Variants in HPS3 observed in about 807,000 individuals in gnomAD.
HPS3 encodes BLOC-2 complex member HPS3.
Under a neutral mutation model 110.9 loss-of-function variants are expected in HPS3, and 79 were observed. The observed-to-expected ratio is 0.71, with a 90% CI of 0.59 to 0.86. The LOEUF (loss-of-function observed/expected upper bound fraction) is 0.86, where lower values mean the gene tolerates loss of function less well. Among genes scored for constraint, HPS3 ranks in the 40% least tolerant of loss-of-function variants. HPS3 has a pLI of 0.00. For missense variants in HPS3, 1,197 were observed against 1,206.2 expected (o/e 0.99, Z 0.11); for synonymous variants, 428 against 451.0 (o/e 0.95, Z 0.65).
chr3:149,164,696 C>T (rs1004508380), intron 14 of HPS3, among the ~76,000 whole-genome samples: 3 of 152,138 alleles, frequency 2.0e-5, no homozygotes, highest in Non-Finnish European at 2.9e-5. Flanking sequence ...TTAGCAGCTC[C>T]GTTAACCCAA....
intron 11 of HPS3, 41 bp downstream of exon 11, chr3:149,160,320 G>A: frequency 7.6e-7 from 1 of 1,309,198 alleles, no homozygotes; most frequent in Non-Finnish European, 1.1e-6. Context: ...GCTGAAATAG[G>A]ACCTGGTAAT....
At position 149,167,991 on chromosome 3, in the gene HPS3, G is replaced by T. The variant is rs781312506; in HGVS notation, c.2887+8G>T. 2.1e-6 allele frequency: 3 copies of T among 1,409,448 alleles called. No individual in the cohort carries two copies. Among genetic ancestry groups the T allele is most frequent in the East Asian group, 2.3e-5 (1 of 43,068 alleles). 87.3% of individuals were successfully genotyped at this position (1,409,448 alleles called of 1,614,324 possible). On this transcript the variant is annotated splice_region_variant and intron_variant, in intron 16 of 16. Transcript: ENST00000296051. ...ACCTGTCATCATTAAAAGGTAAAAT[G>T]ATTTTTTTTTTGCTTGATTATAAAC...
At chr3:149,164,421 G>GCTAAT (rs1724206138) in intron 14 of HPS3, among the ~76,000 whole-genome samples, 1 of 152,106 alleles carries the variant, frequency 6.6e-6, no homozygotes, top group Admixed American at 6.5e-5. Flanking sequence ...GAAATGAGGG[G>GCTAAT]GATGATTAGA....
chr3:149,149,693 T>G (rs1317915895), intron 5 of HPS3, among the ~76,000 whole-genome samples: 3 of 152,208 alleles, frequency 2.0e-5, no homozygotes, highest in Non-Finnish European at 4.4e-5. Context: ...ACTTTCTAGT[T>G]TTTTTAAAAA....
At position 149,129,874 on chromosome 3, in the gene HPS3, C is replaced by T; in HGVS notation, c.151C>T (p.Leu51=). 6.3e-7 allele frequency: 1 copy of T among 1,594,458 alleles called. No individual in the cohort carries two copies. The change falls in exon 1 of 17, where the codon CTG becomes TTG. Residue 51 remains leucine, a synonymous_variant. Transcript: ENST00000296051. The stretch of plus-strand genomic sequence containing the variant: ...GGCGTTCGCGGTGGCCGGCCAGGAG[C>T]TGTGCCAGCCGCGGTGCGCCTTCTC... ...VEAFAVAGQE[L]CQPRCAFSTL...
rs374361094 is a variant in HPS3, at chr3:149,151,203, A to ATTTT, written c.1245+529_1245+532dup. Among the ~76,000 whole-genome samples, 88 of 147,082 alleles carry ATTTT rather than the reference A, an allele frequency of 6.0e-4. 1 individual carries two copies. Among genetic ancestry groups the ATTTT allele is most frequent in the African/African-American group, 1.6e-3 (64 of 40,158 alleles). On this transcript the variant is annotated intron_variant, in intron 6 of 16. Transcript: ENST00000296051. Reference sequence around the variant, plus strand: ...TTTTTGTATTATTATTATTATTATTATTTTTTTTTCTGCAGAGACAGGTTT... The same window carrying ATTTT: ...TTTTTGTATTATTATTATTATTATTATTTTTTTTTTTTTCTGCAGAGACAGGTTT...
chr3:149,134,660 T>A (rs1184676805), intron 1 of HPS3, among the ~76,000 whole-genome samples: 1 of 152,204 alleles, frequency 6.6e-6, no homozygotes, highest in Non-Finnish European at 1.5e-5. Context: ...GTCAGATATT[T>A]AATCAGGGTT....
In HPS3 at chr3:149,163,841, G is replaced by A; in HGVS notation, c.2482-1G>A. On this transcript the variant is annotated splice_acceptor_variant, in intron 13 of 16. Transcript: ENST00000296051. LOFTEE classifies it high-confidence loss of function. ...TTATGAGAAATTCTTTTATGTTTTAGATAAATGCCTGTAGTCATTATGGCT... is the reference window on the plus strand; with the variant it reads ...TTATGAGAAATTCTTTTATGTTTTAAATAAATGCCTGTAGTCATTATGGCT... 1 of 1,477,534 alleles carries A rather than the reference G, an allele frequency of 6.8e-7. No homozygotes were observed. 91.5% of individuals were successfully genotyped at this position (1,477,534 alleles called of 1,614,324 possible).
intron 6 of HPS3, 95 bp from the exon 7 acceptor site, chr3:149,153,399 C>A: frequency 9.3e-7 from 1 of 1,079,770 alleles, no homozygotes. Context: ...ATGGTGGCAG[C>A]AGAAGAGATT....
At chr3:149,170,599 T>A (rs574997142) in intron 16 of HPS3, 1 of 152,356 alleles carries the variant, frequency 6.6e-6, no homozygotes, top group African/African-American at 2.4e-5. Flanking sequence ...AGTCTGGATC[T>A]CTTCCCAAGT....
chr3:149,160,032 C>T lies in HPS3; in HGVS notation c.1873-14C>T, dbSNP rs746563953. 2.1e-5 allele frequency: 33 copies of T among 1,589,146 alleles called. No homozygotes were observed. Among genetic ancestry groups the T allele is most frequent in the Admixed American group, 1.3e-4 (8 of 59,922 alleles). On this transcript the variant is annotated splice_polypyrimidine_tract_variant and intron_variant, in intron 10 of 16. Transcript: ENST00000296051. ...TGACCTTTTATTCCTTTTATTCCTT[C>T]GTGCTCACCAAAGGAATTAGCAGCA...
chr3:149,131,951 G>T (rs1187623382), intron 1 of HPS3, among the ~76,000 whole-genome samples: 2 of 152,248 alleles, frequency 1.3e-5, no homozygotes, highest in African/African-American at 4.8e-5. Flanking sequence ...ACTCCCTTAA[G>T]CCCAGGCTTA....
At position 149,140,473 on chromosome 3, in the gene HPS3, C is replaced by A. The variant is rs750964494; in HGVS notation, c.687C>A (p.Asn229Lys). The A allele has an allele frequency of 5.0e-6, 8 of 1,614,088 alleles. No individual in the cohort carries two copies. The highest frequency in any genetic ancestry group is 1.3e-5 in the African/African-American group (1 of 75,036). ...ERVHHHPHKT[N>K]NRIRRTEEGI... is the part of the protein sequence containing the mutation. ...TTCACCACCATCCACATAAGACCAA[C>A]AATCGAATAAGACGGACAGAAGAAG... The change falls in exon 2 of 17, where the codon AAC becomes AAA. Residue 229 changes from asparagine (N) to lysine (K), a missense_variant. Coordinates refer to ENST00000296051, the MANE Select transcript of HPS3 (RefSeq NM_032383.5).
intron 1 of HPS3, among the ~76,000 whole-genome samples, chr3:149,135,415 C>G (rs1722027226): frequency 6.6e-6 from 1 of 152,102 alleles, no homozygotes; most frequent in Admixed American, 6.5e-5. Context: ...TTCCCCCATG[C>G]TGTTTCTCAT....
In HPS3 at chr3:149,172,751, T is replaced by A. The variant is rs34225821; in HGVS notation, c.*529T>A. ...CTCATTTTTTTTGTTCCTTTTCTTG[T>A]TACTTTTAAGAAAACTCATGCTCTG... On this transcript the variant is annotated 3_prime_UTR_variant, in exon 17 of 17. Transcript: ENST00000296051. The A allele has an allele frequency of 6.5e-6, 1 of 152,966 alleles. No individual in the cohort carries two copies. The highest frequency in any genetic ancestry group is 6.5e-5 in the Admixed American group (1 of 15,314). The allele number at this position is 152,966 out of a possible 1,614,324, so 9.5% of individuals were successfully genotyped here. A position where few individuals can be genotyped will look rare whatever the true frequency, so the allele number is the denominator to read the frequency against.
chr3:149,169,352 C>G (rs868100316), intron 16 of HPS3, among the ~76,000 whole-genome samples: 5 of 152,006 alleles, frequency 3.3e-5, no homozygotes, highest in African/African-American at 1.2e-4. Flanking sequence ...ACTAAGTGTC[C>G]GAGAGCAACC....
intron 1 of HPS3, among the ~76,000 whole-genome samples, chr3:149,136,849 G>T (rs546854613): frequency 1.3e-5 from 2 of 152,160 alleles, no homozygotes; most frequent in South Asian, 4.1e-4. Flanking sequence ...TAGATGAAAT[G>T]GGCATGTATT....
chr3:149,153,718 T>TTATACCCA (rs1425480593), intron 7 of HPS3, 70 bp downstream of exon 7: 8 of 1,480,942 alleles, frequency 5.4e-6, no homozygotes, highest in Non-Finnish European at 7.5e-6. Flanking sequence ...TATTTTGTGT[T>TTATACCCA]TATCTTTTTT....
At chr3:149,145,863 A>G (rs1317090235) in intron 5 of HPS3, among the ~76,000 whole-genome samples, 2 of 152,118 alleles carry the variant, frequency 1.3e-5, no homozygotes, top group African/African-American at 2.4e-5. Context: ...CGTCTCTTTA[A>G]GTTTCTTTTT....
Sources: allele counts gnomAD v4.1 joint callset (sites outside exome capture counted in the v4.1 genomes callset), GRCh38; gene constraint gnomAD v4.1.1; transcripts MANE v1.5; gene names NCBI Gene and HGNC (gene_info 2026-07-23, HGNC 2026-07-21).